The following RNF227 variants were observed in gnomAD, a reference collection of about 807,000 sequenced individuals.
RNF227 encodes the protein long intergenic non-protein coding RNA 2581.
In RNF227, 8 loss-of-function variants were observed where a neutral mutation model predicts 4.9. That is an observed-to-expected ratio of 1.65 (90% confidence interval 0.97 to 2.98). The LOEUF is 2.98. Among genes scored for constraint, RNF227 ranks in the 30% most tolerant of loss-of-function variants. The probability of loss-of-function intolerance (pLI) is 0.00; values close to 1 mark genes in which losing one functional copy is unlikely to be tolerated. For missense variants in RNF227, 136 were observed against 65.4 expected (o/e 2.08, Z -3.72); for synonymous variants, 63 against 28.1 (o/e 2.25, Z -3.94).
In RNF227 at chr17:7,914,108, A is replaced by T. The variant is rs1336868605; in HGVS notation, c.*1414T>A. ...CTCCATCTCAAAAAAAAAAAAAAAG[A>T]ACTTTGGATAAAATAATCTATCAGT... On this transcript the variant is annotated 3_prime_UTR_variant, in exon 2 of 2. Transcript: ENST00000324348. 2 of 151,228 alleles carry T rather than the reference A, an allele frequency of 1.3e-5. No individual in the cohort carries two copies. Among genetic ancestry groups the T allele is most frequent in the Non-Finnish European group, 3.0e-5 (2 of 67,706 alleles). The allele number at this position is 151,228 out of a possible 1,614,324, so 9.4% of individuals were successfully genotyped here. A position where few individuals can be genotyped will look rare whatever the true frequency, so the allele number is the denominator to read the frequency against.
At position 7,916,092 on chromosome 17, in the gene RNF227, A is replaced by T. The variant is rs1971968263; in HGVS notation, c.104T>A (p.Leu35Gln). The T allele has an allele frequency of 2.6e-6, 1 of 389,696 alleles. No homozygotes were observed. Among genetic ancestry groups the T allele is most frequent in the Non-Finnish European group, 4.5e-6 (1 of 220,754 alleles). 24.1% of individuals were successfully genotyped at this position (389,696 alleles called of 1,614,324 possible). Residue 35 changes from leucine (L) to glutamine (Q), a missense_variant, in exon 1 of 2, where the codon CTG becomes CAG. Leu to Gln is a moderately radical substitution (Grantham distance 113, BLOSUM62 -2). Coordinates refer to ENST00000324348, the MANE Select transcript of RNF227 (RefSeq NM_001358699.2). ...FNLGCRAPRR[L>Q]PGTARARCGH... is the part of the protein sequence containing the mutation. The stretch of plus-strand genomic sequence containing the variant: ...GCAGCGGGCGCGCGCCGTTCCGGGC[A>T]GGCGGCGGGGCGCGCGGCACCCGAG...
rs1341183823 is a variant in RNF227 at position 7,914,190 on chromosome 17, A to T, written c.*1332T>A. The T allele has an allele frequency of 6.6e-6, 1 of 152,088 alleles. No homozygotes were observed. Among genetic ancestry groups the T allele is most frequent in the African/African-American group, 2.4e-5 (1 of 41,410 alleles). The allele number at this position is 152,088 out of a possible 1,614,324, so 9.4% of individuals were successfully genotyped here. A position where few individuals can be genotyped will look rare whatever the true frequency, so the allele number is the denominator to read the frequency against. ...CAGATGGTGATATCCTAAAGAGTGT[A>T]GGATCTAGACCAATGGTACTTAAAT... On this transcript the variant is annotated 3_prime_UTR_variant, in exon 2 of 2. Coordinates refer to ENST00000324348, the MANE Select transcript of RNF227 (RefSeq NM_001358699.2).
At position 7,916,206 on chromosome 17, in the gene RNF227, G is replaced by T. The variant is rs1046134819; in HGVS notation, c.-11C>A. ...CACCAAGAGCTGCATCGTGCCCGCC[G>T]CGGACTCGAGGACGTCGCTAACGCG... On this transcript the variant is annotated 5_prime_UTR_variant, in exon 1 of 2. Coordinates refer to ENST00000324348, the MANE Select transcript of RNF227 (RefSeq NM_001358699.2). The T allele has an allele frequency of 7.7e-6, 3 of 391,158 alleles. No individual in the cohort carries two copies. The highest frequency in any genetic ancestry group is 4.4e-5 in the Admixed American group (1 of 22,474). 24.2% of individuals were successfully genotyped at this position (391,158 alleles called of 1,614,324 possible).
rs1263754317 is a variant in RNF227 at position 7,914,463 on chromosome 17, C to T, written c.*1059G>A. 6.6e-6 allele frequency: 1 copy of T among 152,248 alleles called. No individual in the cohort carries two copies. Among genetic ancestry groups the T allele is most frequent in the Non-Finnish European group, 1.5e-5 (1 of 68,140 alleles). 9.4% of individuals were successfully genotyped at this position (152,248 alleles called of 1,614,324 possible). A position where few individuals can be genotyped will look rare whatever the true frequency, so the allele number is the denominator to read the frequency against. On this transcript the variant is annotated 3_prime_UTR_variant, in exon 2 of 2. Coordinates refer to ENST00000324348, the MANE Select transcript of RNF227 (RefSeq NM_001358699.2). ...TCCGGAGGATGAGGCAGGAGAATCG[C>T]TTGAACCTGGGAGGCGGAGGCTGCA...
In RNF227 at chr17:7,913,339, T is replaced by G. The variant is rs547778268; in HGVS notation, c.*2183A>C. Reference sequence around the variant, plus strand: ...GGCTATTATATTAAAAAATAAGAGATAAAGCCAACAAATATTTATTGAGTA... The same window carrying G: ...GGCTATTATATTAAAAAATAAGAGAGAAAGCCAACAAATATTTATTGAGTA... On this transcript the variant is annotated 3_prime_UTR_variant, in exon 2 of 2. Transcript: ENST00000324348. 7 of 152,214 alleles carry G rather than the reference T, an allele frequency of 4.6e-5. No homozygotes were observed. Among genetic ancestry groups the G allele is most frequent in the African/African-American group, 7.2e-5 (3 of 41,522 alleles). The allele number at this position is 152,214 out of a possible 1,614,324, so 9.4% of individuals were successfully genotyped here.
In RNF227 at chr17:7,915,709, G is replaced by GT. The variant is rs1567886580; in HGVS notation, c.486_487insA (p.Arg163ThrfsTer9). 1 of 701,618 alleles carries GT rather than the reference G, an allele frequency of 1.4e-6. No individual in the cohort carries two copies. Among genetic ancestry groups the GT allele is most frequent in the Non-Finnish European group, 2.6e-6 (1 of 384,166 alleles). The allele number at this position is 701,618 out of a possible 1,614,324, so 43.5% of individuals were successfully genotyped here. A position where few individuals can be genotyped will look rare whatever the true frequency, so the allele number is the denominator to read the frequency against. ...CTAGGCAGCGGACGCCGCCAGCGCC[G>GT]CGCAGGCCCCAGGACCCTGTCCCAG... is the stretch of plus-strand genomic sequence containing the variant. On this transcript the variant is annotated frameshift_variant, in exon 1 of 2. Transcript: ENST00000324348. LOFTEE classifies it high-confidence loss of function.
Position 7,916,132 on chromosome 17 carries a change from A to G in RNF227, c.64T>C (p.Tyr22His), listed in dbSNP as rs1327268368. 1.5e-5 allele frequency: 6 copies of G among 395,462 alleles called. No homozygotes were observed. The highest frequency in any genetic ancestry group is 8.9e-5 in the Admixed American group (2 of 22,590). 24.5% of individuals were successfully genotyped at this position (395,462 alleles called of 1,614,324 possible). The change falls in exon 1 of 2, where the codon TAC becomes CAC. Residue 22 changes from tyrosine (Y) to histidine (H), a missense_variant. Physicochemically the swap from Tyr to His is moderately conservative, Grantham distance 83. Coordinates refer to ENST00000324348, the MANE Select transcript of RNF227 (RefSeq NM_001358699.2). ...CGGCACCCGAGGTTGAAAGGACGGT[A>G]GCAGATGTTGCAGTCCAGCTCGCCC... ...ERGELDCNIC[Y>H]RPFNLGCRAP...
rs1490468626 is a variant in RNF227 at position 7,915,978 on chromosome 17, C to A, written c.218G>T (p.Arg73Leu). ...GAAARVVRLR[R>L]VVTCPFCRAP... ...GCGGCAGAAGGGGCACGTGACCACG[C>A]GGCGCAGGCGCACCACGCGCGCGGC... The change falls in exon 1 of 2, where the codon CGC becomes CTC. Residue 73 changes from arginine to leucine, a missense_variant. Transcript: ENST00000324348. 4.5e-6 allele frequency: 2 copies of A among 444,126 alleles called. No homozygotes were observed. 27.5% of individuals were successfully genotyped at this position (444,126 alleles called of 1,614,324 possible).
rs1480082132 is a variant in RNF227 at position 7,916,134 on chromosome 17, C to G, written c.62G>C (p.Cys21Ser). The G allele has an allele frequency of 2.5e-6, 1 of 397,114 alleles. No homozygotes were observed. Among genetic ancestry groups the G allele is most frequent in the African/African-American group, 2.1e-5 (1 of 48,526 alleles). 24.6% of individuals were successfully genotyped at this position (397,114 alleles called of 1,614,324 possible). A position where few individuals can be genotyped will look rare whatever the true frequency, so the allele number is the denominator to read the frequency against. Residue 21 changes from cysteine (C) to serine (S), a missense_variant, in exon 1 of 2, where the codon TGC becomes TCC. Coordinates refer to ENST00000324348, the MANE Select transcript of RNF227 (RefSeq NM_001358699.2). Reference protein sequence around the residue: ...PERGELDCNICYRPFNLGCRA... With the variant: ...PERGELDCNISYRPFNLGCRA... Reference sequence around the variant, plus strand: ...GCACCCGAGGTTGAAAGGACGGTAGCAGATGTTGCAGTCCAGCTCGCCCCG... The same window carrying G: ...GCACCCGAGGTTGAAAGGACGGTAGGAGATGTTGCAGTCCAGCTCGCCCCG...
intron 1 of RNF227, 29 bp downstream of exon 1, chr17:7,915,650 C>A: frequency 2.8e-6 from 2 of 702,512 alleles, no homozygotes; most frequent in East Asian, 5.4e-5. Context: ...GCGCTCTCTC[C>A]CCTGCATCCT....
chr17:7,915,209 C>G lies in RNF227; in HGVS notation c.*313G>C, dbSNP rs1971950417. On this transcript the variant is annotated 3_prime_UTR_variant, in exon 2 of 2. Transcript: ENST00000324348. ...GTTGCTCCCACACACCAGAGCCACC[C>G]TGGACAAAAGCCAACGTCCCAGCTA... 2.0e-6 allele frequency: 1 copy of G among 490,726 alleles called. No individual in the cohort carries two copies. The highest frequency in any genetic ancestry group is 3.7e-6 in the Non-Finnish European group (1 of 267,236). The allele number at this position is 490,726 out of a possible 1,614,324, so 30.4% of individuals were successfully genotyped here. A position where few individuals can be genotyped will look rare whatever the true frequency, so the allele number is the denominator to read the frequency against.
rs1971937813 is a variant in RNF227, at chr17:7,914,523, G to C, written c.*999C>G. Reference sequence around the variant, plus strand: ...GATCACGCCACTGCACTCCAGCCTGGGCGACACAGTGAGACTCTGGCTCAA... The same window carrying C: ...GATCACGCCACTGCACTCCAGCCTGCGCGACACAGTGAGACTCTGGCTCAA... On this transcript the variant is annotated 3_prime_UTR_variant, in exon 2 of 2. Coordinates refer to ENST00000324348, the MANE Select transcript of RNF227 (RefSeq NM_001358699.2). 1 of 152,212 alleles carries C rather than the reference G, an allele frequency of 6.6e-6. No homozygotes were observed. Among genetic ancestry groups the C allele is most frequent in the Non-Finnish European group, 1.5e-5 (1 of 68,112 alleles). 9.4% of individuals were successfully genotyped at this position (152,212 alleles called of 1,614,324 possible).
In RNF227 at chr17:7,915,741, C is replaced by A; in HGVS notation, c.455G>T (p.Arg152Leu). Reference sequence around the variant, plus strand: ...CCCCAGGACCCTGTCCCAGAGCCGCCGGAGCGCGCGCCACCCAGCACTCCT... The same window carrying A: ...CCCCAGGACCCTGTCCCAGAGCCGCAGGAGCGCGCGCCACCCAGCACTCCT... ...GPRSAGWRAL[R>L]RLWDRVLGPA... Residue 152 changes from arginine to leucine, a missense_variant, in exon 1 of 2, where the codon CGG (arginine) becomes CTG (leucine). Coordinates refer to ENST00000324348, the MANE Select transcript of RNF227 (RefSeq NM_001358699.2). 1 of 702,596 alleles carries A rather than the reference C, an allele frequency of 1.4e-6. No individual in the cohort carries two copies. The highest frequency in any genetic ancestry group is 2.6e-6 in the Non-Finnish European group (1 of 384,716). 43.5% of individuals were successfully genotyped at this position (702,596 alleles called of 1,614,324 possible).
Position 7,916,045 on chromosome 17 carries a change from A to G in RNF227, c.151T>C (p.Cys51Arg), listed in dbSNP as rs1971967263. 2.7e-6 allele frequency: 1 copy of G among 365,110 alleles called. No individual in the cohort carries two copies. The highest frequency in any genetic ancestry group is 4.7e-5 in the Admixed American group (1 of 21,328). 22.6% of individuals were successfully genotyped at this position (365,110 alleles called of 1,614,324 possible). ...CCGCGCGCCGCCAGCTCGCGGAGGC[A>G]GGCGGTGCAGATCGTGTGGCCGCAG... ...ARCGHTICTACLRELAARGDG... is the reference protein window; with the variant it reads ...ARCGHTICTARLRELAARGDG... Residue 51 changes from cysteine (C) to arginine (R), a missense_variant, in exon 1 of 2, where the codon TGC becomes CGC. Transcript: ENST00000324348.
In RNF227 at chr17:7,915,915, A is replaced by C. The variant is rs1175592643; in HGVS notation, c.281T>G (p.Met94Arg). 1.4e-6 allele frequency: 1 copy of C among 699,802 alleles called. No individual in the cohort carries two copies. Among genetic ancestry groups the C allele is most frequent in the African/African-American group, 1.7e-5 (1 of 57,228 alleles). The allele number at this position is 699,802 out of a possible 1,614,324, so 43.3% of individuals were successfully genotyped here. Residue 94 changes from methionine (M) to arginine (R), a missense_variant, in exon 1 of 2, where the codon ATG (methionine) becomes AGG (arginine). Physicochemically the swap from Met to Arg is moderately conservative, Grantham distance 91 (BLOSUM62 -1). Coordinates refer to ENST00000324348, the MANE Select transcript of RNF227 (RefSeq NM_001358699.2). ...SQLPRGGLTE[M>R]ALDSDLWSRL... The stretch of plus-strand genomic sequence containing the variant: ...CGACCACAAGTCCGAGTCAAGAGCC[A>C]TCTCCGTGAGGCCGCCGCGAGGGAG...
At position 7,916,065 on chromosome 17, in the gene RNF227, C is replaced by T. The variant is rs1270731688; in HGVS notation, c.131G>A (p.Gly44Asp). ...RLPGTARARC[G>D]HTICTACLRE... Reference sequence around the variant, plus strand: ...GAGGCAGGCGGTGCAGATCGTGTGGCCGCAGCGGGCGCGCGCCGTTCCGGG... The same window carrying T: ...GAGGCAGGCGGTGCAGATCGTGTGGTCGCAGCGGGCGCGCGCCGTTCCGGG... Residue 44 changes from glycine (G) to aspartate (D), a missense_variant, in exon 1 of 2, where the codon GGC (glycine) becomes GAC (aspartate). Physicochemically the swap from Gly to Asp is moderately conservative, Grantham distance 94. Coordinates refer to ENST00000324348, the MANE Select transcript of RNF227 (RefSeq NM_001358699.2). 5.3e-6 allele frequency: 2 copies of T among 376,934 alleles called. No individual in the cohort carries two copies. The highest frequency in any genetic ancestry group is 9.4e-6 in the Non-Finnish European group (2 of 212,780). 23.3% of individuals were successfully genotyped at this position (376,934 alleles called of 1,614,324 possible).
In RNF227 at chr17:7,915,911, A is replaced by G. The variant is rs1301370785; in HGVS notation, c.285T>C (p.Ala95=). Reference sequence around the variant, plus strand: ...ATCGCGACCACAAGTCCGAGTCAAGAGCCATCTCCGTGAGGCCGCCGCGAG... The same window carrying G: ...ATCGCGACCACAAGTCCGAGTCAAGGGCCATCTCCGTGAGGCCGCCGCGAG... The part of the protein sequence containing the change: ...QLPRGGLTEM[A]LDSDLWSRLE... Residue 95 remains alanine (A), a synonymous_variant, in exon 1 of 2, where the codon GCT becomes GCC. Coordinates refer to ENST00000324348, the MANE Select transcript of RNF227 (RefSeq NM_001358699.2). The G allele has an allele frequency of 2.9e-6, 2 of 700,778 alleles. No homozygotes were observed. The highest frequency in any genetic ancestry group is 2.0e-5 in the Admixed American group (1 of 49,938). The allele number at this position is 700,778 out of a possible 1,614,324, so 43.4% of individuals were successfully genotyped here.
chr17:7,913,632 T>G lies in RNF227; in HGVS notation c.*1890A>C, dbSNP rs1265292960. 1 of 152,180 alleles carries G rather than the reference T, an allele frequency of 6.6e-6. No homozygotes were observed. Among genetic ancestry groups the G allele is most frequent in the Non-Finnish European group, 1.5e-5 (1 of 68,028 alleles). 9.4% of individuals were successfully genotyped at this position (152,180 alleles called of 1,614,324 possible). A position where few individuals can be genotyped will look rare whatever the true frequency, so the allele number is the denominator to read the frequency against. On this transcript the variant is annotated 3_prime_UTR_variant, in exon 2 of 2. Transcript: ENST00000324348. Reference sequence around the variant, plus strand: ...AAAATAGGGTTACAAAAATTGAGGTTTATACCCCCATAAGTGTATAATTAT... The same window carrying G: ...AAAATAGGGTTACAAAAATTGAGGTGTATACCCCCATAAGTGTATAATTAT...
chr17:7,914,286 T>A lies in RNF227; in HGVS notation c.*1236A>T, dbSNP rs371404845. 1 of 152,080 alleles carries A rather than the reference T, an allele frequency of 6.6e-6. No homozygotes were observed. Among genetic ancestry groups the A allele is most frequent in the Non-Finnish European group, 1.5e-5 (1 of 68,010 alleles). 9.4% of individuals were successfully genotyped at this position (152,080 alleles called of 1,614,324 possible). A position where few individuals can be genotyped will look rare whatever the true frequency, so the allele number is the denominator to read the frequency against. On this transcript the variant is annotated 3_prime_UTR_variant, in exon 2 of 2. Transcript: ENST00000324348. The stretch of plus-strand genomic sequence containing the variant: ...CTGGCCCGGCGCGGTGGCTCACTCC[T>A]ATAATCCCAGCACTTTGGGAGGCCA...
Sources: allele counts gnomAD v4.1 joint callset, GRCh38; gene constraint gnomAD v4.1.1; transcripts MANE v1.5; gene names NCBI Gene and HGNC (gene_info 2026-07-23, HGNC 2026-07-21).